The following LRRC4C variants were observed in gnomAD, a reference collection of about 807,000 sequenced individuals.
LRRC4C encodes leucine-rich repeat-containing protein 4C.
In LRRC4C, 5 loss-of-function variants were observed where a neutral mutation model predicts 33.6. The observed-to-expected ratio is 0.15, with a 90% confidence interval of 0.08 to 0.31. The LOEUF is 0.31. Ranked by LOEUF, LRRC4C falls within the 10% of genes least tolerant of loss-of-function variation. The pLI is 1.00. For missense variants in LRRC4C, 560 were observed against 796.7 expected, an observed-to-expected ratio of 0.70 and a Z score of 3.58; for synonymous variants, 329 against 302.0, an observed-to-expected ratio of 1.09 and a Z score of -0.93.
intron 3 of LRRC4C, among the ~76,000 whole-genome samples, chr11:40,621,719 A>G (rs535993794): frequency 6.6e-6 from 1 of 151,914 alleles, no homozygotes. Context: ...TGTCTAGTAC[A>G]TGGTATGTGC....
chr11:40,403,967 T>A (rs1949863263), intron 3 of LRRC4C, among the ~76,000 whole-genome samples: 1 of 152,180 alleles, frequency 6.6e-6, no homozygotes, highest in African/African-American at 2.4e-5. Flanking sequence ...ATTATTTCAA[T>A]AATGACCCAT....
intron 3 of LRRC4C, among the ~76,000 whole-genome samples, chr11:40,332,784 T>C (rs1403350580): frequency 6.6e-6 from 1 of 152,214 alleles, no homozygotes; most frequent in Non-Finnish European, 1.5e-5. Context: ...TTTCTAGTTG[T>C]TCTGCAACTT....
At chr11:41,169,385 A>G (rs1718641726) in intron 1 of LRRC4C, among the ~76,000 whole-genome samples, 1 of 152,126 alleles carries the variant, frequency 6.6e-6, no homozygotes, top group Admixed American at 6.6e-5. Flanking sequence ...AATCCACAGG[A>G]GCCCACTGGT....
At chr11:40,783,126 T>C (rs1008162105) in intron 2 of LRRC4C, among the ~76,000 whole-genome samples, 1 of 152,138 alleles carries the variant, frequency 6.6e-6, no homozygotes, top group African/African-American at 2.4e-5. Flanking sequence ...CCACTGTTAA[T>C]AATATTTTCT....
chr11:41,335,279 C>G (rs1951417312), intron 1 of LRRC4C, among the ~76,000 whole-genome samples: 1 of 152,036 alleles, frequency 6.6e-6, no homozygotes, highest in Non-Finnish European at 1.5e-5. Context: ...AAAAGCAGAC[C>G]AGTAAACTAA....
intron 3 of LRRC4C, among the ~76,000 whole-genome samples, chr11:40,495,376 TTA>T (rs1031692894): frequency 6.6e-6 from 1 of 152,058 alleles, no homozygotes; most frequent in African/African-American, 2.4e-5. Context: ...ATTTGGAAAT[TTA>T]TATAGAGGTC....
At chr11:40,780,100 TGACACTG>T (rs1950158892) in intron 2 of LRRC4C, among the ~76,000 whole-genome samples, 1 of 152,166 alleles carries the variant, frequency 6.6e-6, no homozygotes, top group Non-Finnish European at 1.5e-5. Flanking sequence ...TCTAGTATGC[TGACACTG>T]AAAAATACTA....
chr11:41,342,474 G>A (rs1482865499), intron 1 of LRRC4C, among the ~76,000 whole-genome samples: 1 of 152,134 alleles, frequency 6.6e-6, no homozygotes, highest in Non-Finnish European at 1.5e-5. Flanking sequence ...TAGCATTTTG[G>A]GAGGCTGAGG....
At chr11:40,408,423 A>G (rs990695233) in intron 3 of LRRC4C, among the ~76,000 whole-genome samples, 5 of 151,828 alleles carry the variant, frequency 3.3e-5, no homozygotes, top group African/African-American at 9.7e-5. Context: ...TCCTCGACCA[A>G]CTTTATCTTT....
At chr11:41,428,375 A>G (rs1464746635) in intron 1 of LRRC4C, among the ~76,000 whole-genome samples, 1 of 152,152 alleles carries the variant, frequency 6.6e-6, no homozygotes, top group African/African-American at 2.4e-5. Flanking sequence ...AACCAAGTAG[A>G]TAATGTACTA....
intron 3 of LRRC4C, among the ~76,000 whole-genome samples, chr11:40,382,427 C>T (rs1948918521): frequency 1.3e-5 from 2 of 151,444 alleles, no homozygotes; most frequent in African/African-American, 2.4e-5. Context: ...CAACTAAATA[C>T]GTTTGGAGAT....
intron 2 of LRRC4C, among the ~76,000 whole-genome samples, chr11:40,681,752 A>C (rs1482770300): frequency 6.6e-6 from 1 of 152,138 alleles, no homozygotes; most frequent in African/African-American, 2.4e-5. Flanking sequence ...ATATGATGGA[A>C]TACTACTCAG....
chr11:41,122,210 C>T (rs968639281), intron 1 of LRRC4C, among the ~76,000 whole-genome samples: 1 of 152,104 alleles, frequency 6.6e-6, no homozygotes, highest in African/African-American at 2.4e-5. Flanking sequence ...TCTAGGATTT[C>T]AGCCTTTGGT....
rs7927074 is a variant in LRRC4C at position 40,631,217 on chromosome 11, C to T, written c.-270+16925G>A. ...GAAGCTCTTTTCTGGACTCTTATCA[C>T]GGTTAAAAATGGGGATGAAGCTGAT... On this transcript the variant is annotated intron_variant, in intron 3 of 6. Transcript: ENST00000528697. Among the ~76,000 whole-genome samples the T allele has an allele frequency of 9.3e-3, 1,416 of 152,210 alleles. 13 individuals are homozygous for T. The highest frequency in any genetic ancestry group is 0.027 in the South Asian group (131 of 4,830).
intron 1 of LRRC4C, among the ~76,000 whole-genome samples, chr11:40,955,436 GA>G (rs541402533): frequency 1.6e-3 from 245 of 151,590 alleles, no homozygotes; most frequent in Non-Finnish European, 2.5e-3. Flanking sequence ...CACTGGGGGG[GA>G]AAAACACAAA....
intron 3 of LRRC4C, among the ~76,000 whole-genome samples, chr11:40,506,681 A>G (rs1472603545): frequency 2.0e-5 from 3 of 152,138 alleles, no homozygotes; most frequent in Non-Finnish European, 4.4e-5. Context: ...AAAATAACAT[A>G]AAAATAGCCA....
At chr11:40,500,293 TACACACACACACACACACAC>T (rs375005241) in intron 3 of LRRC4C, among the ~76,000 whole-genome samples, 2 of 96,846 alleles carry the variant, frequency 2.1e-5, no homozygotes, top group African/African-American at 8.2e-5. Context: ...TATATATATA[TACACACACACACACACACAC>T]ACACACACAC....
intron 1 of LRRC4C, among the ~76,000 whole-genome samples, chr11:40,945,475 C>T (rs994096505): frequency 6.6e-6 from 1 of 152,108 alleles, no homozygotes; most frequent in Admixed American, 6.6e-5. Flanking sequence ...ACTGTCTATA[C>T]TCCTAAATAT....
intron 1 of LRRC4C, among the ~76,000 whole-genome samples, chr11:41,400,288 A>G (rs1265660662): frequency 6.6e-6 from 1 of 151,950 alleles, no homozygotes; most frequent in Admixed American, 6.6e-5. Context: ...TGTTGAGCTC[A>G]GTGCCTGACA....
Sources: gnomAD v4.1 joint callset for allele counts (sites outside exome capture counted in the v4.1 genomes callset) on GRCh38, gnomAD v4.1.1 for gene constraint, MANE v1.5 for transcripts, NCBI Gene and HGNC (gene_info 2026-07-23, HGNC 2026-07-21) for gene names.